The following SDK2 variants were observed in gnomAD, a reference collection of about 807,000 sequenced individuals.
SDK2 encodes protein sidekick-2.
SDK2 carries 105 observed loss-of-function variants against 253.9 expected under a neutral mutation model. The ratio of observed to expected loss-of-function variants is 0.41; its 90% CI spans 0.35 to 0.49. The LOEUF (loss-of-function observed/expected upper bound fraction) is 0.49, where lower values mean the gene tolerates loss of function less well. Among genes scored for constraint, SDK2 ranks in the 20% least tolerant of loss-of-function variants. The pLI is 0.06. For missense variants in SDK2, 2,608 were observed against 3,003.0 expected (o/e 0.87, Z 3.07); for synonymous variants, 1,249 against 1,234.9 (o/e 1.01, Z -0.24).
chr17:73,529,040 C>A (rs970463155), intron 1 of SDK2, among the ~76,000 whole-genome samples: 1 of 152,184 alleles, frequency 6.6e-6, no homozygotes, highest in Non-Finnish European at 1.5e-5. Flanking sequence ...TTTCTTGAGT[C>A]CTCTTACACC....
intron 1 of SDK2, among the ~76,000 whole-genome samples, chr17:73,524,691 C>G (rs1029383327): frequency 2.0e-5 from 3 of 152,208 alleles, no homozygotes; most frequent in African/African-American, 7.2e-5. Context: ...CACGACTGTC[C>G]CATTGCATAG....
At chr17:73,597,571 T>C (rs977602925) in intron 1 of SDK2, among the ~76,000 whole-genome samples, 1 of 152,154 alleles carries the variant, frequency 6.6e-6, no homozygotes, top group Admixed American at 6.5e-5. Flanking sequence ...CTGCCGATCC[T>C]GCCCCCAGCC....
At chr17:73,425,957 CAGTT>C (rs1568398772) in intron 12 of SDK2, among the ~76,000 whole-genome samples, 1 of 152,182 alleles carries the variant, frequency 6.6e-6, no homozygotes, top group Non-Finnish European at 1.5e-5. Context: ...CGGTCAGTAA[CAGTT>C]AGCCTTTGTT....
chr17:73,380,954 T>TG lies in SDK2; in HGVS notation c.4706-5dup. Reference sequence around the variant, plus strand: ...AGGTTCCGCATGGAGTACATGGCTATGGGGTGGGGGTGCCGGGGCGGGGGC... The same window carrying TG: ...AGGTTCCGCATGGAGTACATGGCTATGGGGGTGGGGGTGCCGGGGCGGGGGC... On this transcript the variant is annotated splice_region_variant and splice_polypyrimidine_tract_variant and intron_variant, in intron 33 of 44. Coordinates refer to ENST00000392650, the MANE Select transcript of SDK2 (RefSeq NM_001144952.2). 4 of 680,316 alleles carry TG rather than the reference T, an allele frequency of 5.9e-6. No homozygotes were observed. The highest frequency in any genetic ancestry group is 7.2e-6 in the Non-Finnish European group (3 of 414,498). 42.1% of individuals were successfully genotyped at this position (680,316 alleles called of 1,614,324 possible). A position where few individuals can be genotyped will look rare whatever the true frequency, so the allele number is the denominator to read the frequency against.
At position 73,481,959 on chromosome 17, in the gene SDK2, C is replaced by T. The variant is rs376622214; in HGVS notation, c.225-9741G>A. Among the ~76,000 whole-genome samples the T allele has an allele frequency of 6.6e-6, 1 of 152,296 alleles. No individual in the cohort carries two copies. The highest frequency in any genetic ancestry group is 1.9e-4 in the East Asian group (1 of 5,174). ...TTGCTTCTGCTTCTCTGCACAACCC[C>T]GACTAATACACCGACCGTAGAATAT... is the stretch of plus-strand genomic sequence containing the variant. On this transcript the variant is annotated intron_variant, in intron 2 of 44. Coordinates refer to ENST00000392650, the MANE Select transcript of SDK2 (RefSeq NM_001144952.2). The surrounding 1 kb of genome is among the most constrained non-coding windows in gnomAD (Gnocchi z 4.5).
chr17:73,398,148 G>C lies in SDK2; in HGVS notation c.3241C>G (p.Pro1081Ala), dbSNP rs748321283. ...ATCTTTCTAGAAGGCTGACTGGGGG[G>C]GCTGGTGCCCACGATGTTCACCTGG... ...MRQVNIVGTS[P>A]PSQPSRKIQT... The change falls in exon 24 of 45, where the codon CCC (proline) becomes GCC (alanine). Residue 1081 changes from proline to alanine, a missense_variant. Around this residue, in one of 2 missense-constraint regions of SDK2, gnomAD observed 1,505 missense variants for 1,859.1 expected, o/e 0.81. Coordinates refer to ENST00000392650, the MANE Select transcript of SDK2 (RefSeq NM_001144952.2). The C allele has an allele frequency of 1.9e-6, 3 of 1,613,672 alleles. No individual in the cohort carries two copies. The highest frequency in any genetic ancestry group is 1.1e-5 in the South Asian group (1 of 91,046).
intron 12 of SDK2, among the ~76,000 whole-genome samples, chr17:73,425,475 T>C (rs1379674534): frequency 6.6e-6 from 1 of 152,168 alleles, no homozygotes; most frequent in Non-Finnish European, 1.5e-5. Context: ...TTTGCTACTT[T>C]CCAGCTTTGT....
intron 1 of SDK2, among the ~76,000 whole-genome samples, chr17:73,575,922 G>A (rs1158288712): frequency 6.6e-6 from 1 of 152,124 alleles, no homozygotes; most frequent in East Asian, 1.9e-4. Flanking sequence ...AAAAGGGAGA[G>A]CAAAGTCAAC....
At chr17:73,401,473 G>A (rs111794820) in intron 20 of SDK2, among the ~76,000 whole-genome samples, 181 bp downstream of exon 20, 5,945 of 152,202 alleles carry the variant, frequency 0.039, 150 homozygotes, top group Middle Eastern at 0.089. Flanking sequence ...GTGTGGGGCT[G>A]CAGACTCTGG....
At chr17:73,412,244 C>A (rs1156979595) in intron 18 of SDK2, among the ~76,000 whole-genome samples, 2 of 145,856 alleles carry the variant, frequency 1.4e-5, no homozygotes, top group African/African-American at 2.6e-5. Flanking sequence ...ATACATATAT[C>A]CTGGAACATA....
intron 36 of SDK2, among the ~76,000 whole-genome samples, chr17:73,370,199 T>A (rs992766311): frequency 2.6e-5 from 4 of 152,218 alleles, no homozygotes; most frequent in African/African-American, 9.6e-5. Flanking sequence ...TAGGACATCT[T>A]GTTACCATGA....
intron 1 of SDK2, among the ~76,000 whole-genome samples, chr17:73,559,609 C>T (rs1278663586): frequency 7.2e-5 from 10 of 139,068 alleles, no homozygotes; most frequent in African/African-American, 1.5e-4. Context: ...CCCCCCGCCC[C>T]CGCCACCATA....
chr17:73,399,210 G>A lies in SDK2; in HGVS notation c.3051C>T (p.Tyr1017=), dbSNP rs201216905. ...RSVTLQFRPG[Y]DGKTSISRWL... ...AGCGGGAGATGGAGGTTTTCCCATCGTAGCCTGGCCTGAACTGCAAGGTCA... is the reference window on the plus strand; with the variant it reads ...AGCGGGAGATGGAGGTTTTCCCATCATAGCCTGGCCTGAACTGCAAGGTCA... Residue 1017 remains tyrosine (Y), a synonymous_variant, in exon 22 of 45, where the codon TAC becomes TAT. Coordinates refer to ENST00000392650, the MANE Select transcript of SDK2 (RefSeq NM_001144952.2). 83 of 1,613,916 alleles carry A rather than the reference G, an allele frequency of 5.1e-5. 1 individual carries two copies. In the East Asian group the frequency reaches 1.6e-3, roughly 32 times the overall value.
intron 1 of SDK2, among the ~76,000 whole-genome samples, chr17:73,581,394 C>T (rs1184782541): frequency 1.3e-5 from 2 of 152,188 alleles, no homozygotes; most frequent in Admixed American, 6.5e-5. Flanking sequence ...GTTTCTTGGG[C>T]CTTCCACAGG....
At chr17:73,370,029 G>A (rs1484530767) in intron 36 of SDK2, among the ~76,000 whole-genome samples, 1 of 152,152 alleles carries the variant, frequency 6.6e-6, no homozygotes, top group Non-Finnish European at 1.5e-5. Context: ...GGCCAGCTGG[G>A]CCCAGCCACG....
In SDK2 at chr17:73,348,621, G is replaced by T. The variant is rs2062506462; in HGVS notation, c.6143C>A (p.Pro2048His). The T allele has an allele frequency of 6.2e-7, 1 of 1,612,874 alleles. No homozygotes were observed. The highest frequency in any genetic ancestry group is 1.3e-5 in the African/African-American group (1 of 74,940). ...CACCTGAGAGTCGGAGATTTCTGAG[G>T]GCTTCTCCGTCAGGCTGCTGCTCTC... is the stretch of plus-strand genomic sequence containing the variant. ...PAESSSLTEK[P>H]SEISDSQGSD... The change falls in exon 44 of 45, where the codon CCC becomes CAC. Residue 2048 changes from proline (P) to histidine (H), a missense_variant. Transcript: ENST00000392650.
rs954179972 is a variant in SDK2, at chr17:73,352,095, A to C, written c.5758+378T>G. Among the ~76,000 whole-genome samples the C allele has an allele frequency of 2.0e-5, 3 of 152,078 alleles. No homozygotes were observed. Among genetic ancestry groups the C allele is most frequent in the Non-Finnish European group, 2.9e-5 (2 of 68,004 alleles). ...CCCACCTGTGTCTCTGCTGCTCTGC[A>C]GGCTGCTGACCCTGCCACGTTGGGG... On this transcript the variant is annotated intron_variant, in intron 41 of 44. Transcript: ENST00000392650. This position sits in a 1 kb window ranked among gnomAD's most constrained non-coding sequence, Gnocchi z 4.1.
intron 1 of SDK2, among the ~76,000 whole-genome samples, chr17:73,623,132 T>A (rs1053144339): frequency 2.6e-5 from 4 of 152,270 alleles, no homozygotes; most frequent in Non-Finnish European, 5.9e-5. Flanking sequence ...TTCTTCCCCA[T>A]TGAGTCATTG....
At chr17:73,369,920 A>G (rs1329482591) in intron 36 of SDK2, among the ~76,000 whole-genome samples, 1 of 152,188 alleles carries the variant, frequency 6.6e-6, no homozygotes, top group Non-Finnish European at 1.5e-5. Flanking sequence ...CTGGGGTTAC[A>G]GGCGCGAACC....
Sources: gnomAD v4.1 joint callset for allele counts (sites outside exome capture counted in the v4.1 genomes callset) on GRCh38, gnomAD v4.1.1 for gene constraint, gnomAD v4.1.1 regional missense constraint, Gnocchi (gnomAD v3.1) non-coding constraint, MANE v1.5 for transcripts, NCBI Gene and HGNC (gene_info 2026-07-23, HGNC 2026-07-21) for gene names.